KLF12: variants seen among roughly 807,000 people sequenced by gnomAD.
KLF12 encodes the protein Krueppel-like factor 12.
Under a neutral mutation model 37.8 loss-of-function variants are expected in KLF12, and 9 were observed. The observed-to-expected ratio is 0.24, with a 90% CI of 0.14 to 0.42. The LOEUF (loss-of-function observed/expected upper bound fraction) is 0.42, where lower values mean the gene tolerates loss of function less well. Among genes scored for constraint, KLF12 ranks in the 10% least tolerant of loss-of-function variants. The probability of loss-of-function intolerance (pLI) is 1.00; values close to 1 mark genes in which losing one functional copy is unlikely to be tolerated. For missense variants in KLF12, 411 were observed against 516.0 expected, an observed-to-expected ratio of 0.80 and a Z score of 1.97; for synonymous variants, 208 against 202.1, an observed-to-expected ratio of 1.03 and a Z score of -0.25.
the KLF12 span, among the ~76,000 whole-genome samples, chr13:74,279,931 G>T: frequency 4.2e-3 from 637 of 152,258 alleles, 5 homozygotes; most frequent in African/African-American, 0.014. Context: ...AGAGCAGAGG[G>T]ATGCACAAGA....
intron 5 of KLF12, among the ~76,000 whole-genome samples, chr13:73,788,189 C>T (rs1315126033): frequency 6.6e-6 from 1 of 151,924 alleles, no homozygotes; most frequent in Non-Finnish European, 1.5e-5. Flanking sequence ...TATATATTTT[C>T]CCTGGTAAAA....
intron 5 of KLF12, among the ~76,000 whole-genome samples, chr13:73,806,319 G>A (rs1447887263): frequency 4.6e-5 from 7 of 151,492 alleles, no homozygotes; most frequent in Non-Finnish European, 1.0e-4. Flanking sequence ...GGCCAGGCTG[G>A]TTTCAAACTC....
the KLF12 span, among the ~76,000 whole-genome samples, chr13:74,254,332 C>T: frequency 1.3e-3 from 194 of 152,160 alleles, no homozygotes; most frequent in African/African-American, 4.3e-3. Flanking sequence ...ACTCCATTCA[C>T]CTTGGGTTTT....
intron 1 of KLF12, among the ~76,000 whole-genome samples, chr13:74,069,680 C>T (rs1874114895): frequency 6.6e-6 from 1 of 151,924 alleles, no homozygotes; most frequent in Admixed American, 6.6e-5. Context: ...AGAAAATGAA[C>T]ACAGGTAACA....
chr13:74,120,063 T>C (rs1317985544), intron 1 of KLF12, among the ~76,000 whole-genome samples: 2 of 151,824 alleles, frequency 1.3e-5, no homozygotes, highest in Non-Finnish European at 1.5e-5. Context: ...TTTAACGTAA[T>C]GGTGGAAAAC....
At chr13:73,852,828 G>A (rs1240932470) in intron 3 of KLF12, among the ~76,000 whole-genome samples, 1 of 150,674 alleles carries the variant, frequency 6.6e-6, no homozygotes, top group Non-Finnish European at 1.5e-5. Context: ...AAAATTTGAA[G>A]TCTATACATC....
intron 6 of KLF12, among the ~76,000 whole-genome samples, chr13:73,763,880 TGC>T (rs569675560): frequency 6.8e-4 from 104 of 152,144 alleles, no homozygotes; most frequent in Non-Finnish European, 1.5e-3. Context: ...AACGCCTCTG[TGC>T]CCCATTTCCC....
intron 6 of KLF12, among the ~76,000 whole-genome samples, chr13:73,722,389 CAT>C (rs1156836740): frequency 6.6e-6 from 1 of 152,172 alleles, no homozygotes; most frequent in African/African-American, 2.4e-5. Context: ...CAGGAATCTT[CAT>C]ATTTATCTTC....
chr13:74,134,877 G>C (rs376000563), upstream of KLF12, among the ~76,000 whole-genome samples: 1 of 152,042 alleles, frequency 6.6e-6, no homozygotes. Context: ...TGGAGGGAGG[G>C]GGCTGTCGCC....
intron 3 of KLF12, among the ~76,000 whole-genome samples, chr13:73,873,341 AG>A (rs1204992062): frequency 1.3e-5 from 2 of 152,184 alleles, no homozygotes; most frequent in African/African-American, 2.4e-5. Flanking sequence ...AAAGAGACAA[AG>A]CTTTCTTAAA....
At chr13:73,697,410 A>T (rs924549852) in intron 7 of KLF12, among the ~76,000 whole-genome samples, 1 of 152,180 alleles carries the variant, frequency 6.6e-6, no homozygotes, top group Non-Finnish European at 1.5e-5. Context: ...ATTGACACCA[A>T]ACCTCAACTT....
intron 5 of KLF12, among the ~76,000 whole-genome samples, chr13:73,783,197 C>T (rs970924047): frequency 6.6e-6 from 1 of 151,714 alleles, no homozygotes; most frequent in African/African-American, 2.4e-5. Context: ...GAACTGAGGT[C>T]ATTATGTTCA....
chr13:73,835,425 G>C (rs1884380412), intron 4 of KLF12, among the ~76,000 whole-genome samples: 1 of 152,114 alleles, frequency 6.6e-6, no homozygotes, highest in South Asian at 2.1e-4. Context: ...TGGTTGATAT[G>C]AAAGAGAAAA....
chr13:73,967,505 A>G (rs1012713285), intron 2 of KLF12, among the ~76,000 whole-genome samples: 2 of 152,242 alleles, frequency 1.3e-5, no homozygotes, highest in Admixed American at 1.3e-4. Flanking sequence ...GGAGGAGTCC[A>G]TGCCATCACC....
intron 1 of KLF12, among the ~76,000 whole-genome samples, chr13:74,022,177 A>G (rs918359871): frequency 3.9e-5 from 6 of 152,182 alleles, no homozygotes; most frequent in African/African-American, 1.4e-4. Flanking sequence ...TTAACAACAT[A>G]TCTCTTAGTC....
chr13:74,171,435 A>G, the KLF12 span, among the ~76,000 whole-genome samples: 4 of 152,140 alleles, frequency 2.6e-5, no homozygotes, highest in South Asian at 2.1e-4. Context: ...TGGAACTTCA[A>G]TTTAGCTGCT....
chr13:74,140,229 T>C, the KLF12 span, among the ~76,000 whole-genome samples: 3 of 152,236 alleles, frequency 2.0e-5, no homozygotes, highest in African/African-American at 7.2e-5. Flanking sequence ...CAAAAGTATT[T>C]TATCAGTTTA....
chr13:74,105,861 G>A (rs1357672048), intron 1 of KLF12, among the ~76,000 whole-genome samples: 1 of 152,164 alleles, frequency 6.6e-6, no homozygotes, highest in Non-Finnish European at 1.5e-5. Flanking sequence ...AGTGGAAAAA[G>A]ATGTCTTTCA....
chr13:74,196,120 A>G, the KLF12 span, among the ~76,000 whole-genome samples: 1 of 152,148 alleles, frequency 6.6e-6, no homozygotes, highest in Non-Finnish European at 1.5e-5. Context: ...TTATTTATTT[A>G]TTTAGAGAGC....
Sources: gnomAD v4.1 joint callset for allele counts (sites outside exome capture counted in the v4.1 genomes callset) on GRCh38, gnomAD v4.1.1 for gene constraint, MANE v1.5 for transcripts, NCBI Gene and HGNC (gene_info 2026-07-23, HGNC 2026-07-21) for gene names.